Variants in TFB1M observed in about 807,000 individuals in gnomAD.
The protein encoded by TFB1M is transcription factor B1, mitochondrial, also known as dimethyladenosine transferase 1, mitochondrial.
In TFB1M, 27 loss-of-function variants were observed where a neutral mutation model predicts 31.1. That is an observed-to-expected ratio of 0.87 (90% CI 0.64 to 1.20). The LOEUF is 1.20. Among genes scored for constraint, TFB1M ranks in the 50% most tolerant of loss-of-function variants. The probability of loss-of-function intolerance (pLI) is 0.00; values close to 1 mark genes in which losing one functional copy is unlikely to be tolerated. For synonymous variants in TFB1M, 166 were observed against 151.8 expected (o/e 1.09, Z -0.69); for missense variants, 394 against 418.7 (o/e 0.94, Z 0.51).
intron 4 of TFB1M, among the ~76,000 whole-genome samples, chr6:155,292,087 T>C (rs1776951669): frequency 6.6e-6 from 1 of 152,154 alleles, no homozygotes; most frequent in Non-Finnish European, 1.5e-5. Context: ...GAGCCTTAGA[T>C]GCCCGGCCTG....
intron 5 of TFB1M, among the ~76,000 whole-genome samples, chr6:155,283,939 G>A (rs920220908): frequency 6.6e-6 from 1 of 152,202 alleles, no homozygotes; most frequent in Non-Finnish European, 1.5e-5. Context: ...TAACCTATAA[G>A]ATACCTCCAG....
chr6:155,252,166 C>T (rs1783702552), downstream of TFB1M, among the ~76,000 whole-genome samples: 1 of 152,120 alleles, frequency 6.6e-6, no homozygotes, highest in Non-Finnish European at 1.5e-5. Context: ...TCTGAGTCTC[C>T]CCATGAAAGA....
chr6:155,253,829 C>T (rs113081754), downstream of TFB1M: 1 of 608,774 alleles, frequency 1.6e-6, no homozygotes. Flanking sequence ...GAAAATCATA[C>T]ATAGAACAAG....
chr6:155,299,117 G>A (rs1777314963), intron 2 of TFB1M, among the ~76,000 whole-genome samples: 1 of 151,818 alleles, frequency 6.6e-6, no homozygotes, highest in Non-Finnish European at 1.5e-5. Flanking sequence ...TTGGCACTCC[G>A]AGATACTCCT....
the TFB1M span, among the ~76,000 whole-genome samples, chr6:155,233,438 T>C: frequency 6.6e-6 from 1 of 152,174 alleles, no homozygotes. Context: ...TCAAAGACCG[T>C]CAAAGAGGGT....
intron 1 of TFB1M, chr6:155,313,306 T>C (rs940187005): frequency 4.6e-5 from 7 of 151,226 alleles, no homozygotes; most frequent in African/African-American, 1.7e-4. Flanking sequence ...TCCAAAGTCA[T>C]ATTGGTACAG....
chr6:155,254,001 G>C, downstream of TFB1M: 1 of 1,614,130 alleles, frequency 6.2e-7, no homozygotes, highest in Non-Finnish European at 8.5e-7. Flanking sequence ...TATGGGAACT[G>C]ATCCATACGA....
chr6:155,276,268 C>CTCCTGTATAAAAAGGAT, intron 5 of TFB1M: 1 of 1,614,070 alleles, frequency 6.2e-7, no homozygotes, highest in Non-Finnish European at 8.5e-7. Context: ...TTTTCTGCAC[C>CTCCTGTATAAAAAGGAT]TCCTGTATAA....
rs1216505409 is a variant in TFB1M at position 155,256,202 on chromosome 6, T to A, written c.*1634A>T. 3 of 565,546 alleles carry A rather than the reference T, an allele frequency of 5.3e-6. No individual in the cohort carries two copies. The African/African-American group carries it at 5.7e-5, about 11-fold the overall frequency. 35.0% of individuals were successfully genotyped at this position (565,546 alleles called of 1,614,324 possible). A position where few individuals can be genotyped will look rare whatever the true frequency, so the allele number is the denominator to read the frequency against. ...AACTTACTCCTTGGCAAAATAAGAA[T>A]CTTAGCCCATGTAGTAGTTTCTAGT... is the stretch of plus-strand genomic sequence containing the variant. On this transcript the variant is annotated 3_prime_UTR_variant, in exon 7 of 7. Coordinates refer to ENST00000367166, the MANE Select transcript of TFB1M (RefSeq NM_016020.4).
chr6:155,253,169 A>G, downstream of TFB1M: 2 of 812,986 alleles, frequency 2.5e-6, no homozygotes, highest in Non-Finnish European at 4.0e-6. Context: ...TTTATAGACA[A>G]GGAAAATGAG....
the TFB1M span, among the ~76,000 whole-genome samples, chr6:155,237,187 C>G: frequency 6.6e-6 from 1 of 152,220 alleles, no homozygotes; most frequent in Non-Finnish European, 1.5e-5. Flanking sequence ...GGGCTCCAGG[C>G]CCCATGCAAT....
rs758409790 is a variant in TFB1M, at chr6:155,275,884, G to A, written c.666+9274C>T. The A allele has an allele frequency of 7.4e-6, 12 of 1,613,984 alleles. 1 individual carries two copies. The highest frequency in any genetic ancestry group is 5.5e-5 in the South Asian group (5 of 91,076). ...TGCACGGGCTCTGGATGGACTGTAC[G>A]TGGTACAGCACTGGGATGTTCAGCT... On this transcript the variant is annotated intron_variant, in intron 5 of 6. Coordinates refer to ENST00000367166, the MANE Select transcript of TFB1M (RefSeq NM_016020.4).
the TFB1M span, among the ~76,000 whole-genome samples, chr6:155,238,062 A>G: frequency 6.6e-6 from 1 of 152,236 alleles, no homozygotes; most frequent in East Asian, 1.9e-4. Context: ...TATAAGGCTG[A>G]ATGCCTTTAC....
At chr6:155,279,125 A>T (rs67670955) in intron 5 of TFB1M, among the ~76,000 whole-genome samples, 11,901 of 152,164 alleles carry the variant, frequency 0.078, 576 homozygotes, top group Non-Finnish European at 0.099. Context: ...AGTTTGAGAA[A>T]TCATAGTCTA....
At chr6:155,297,900 C>G (rs1328855148) in intron 3 of TFB1M, among the ~76,000 whole-genome samples, 2 of 152,218 alleles carry the variant, frequency 1.3e-5, no homozygotes, top group Non-Finnish European at 2.9e-5. Context: ...CTGAAGGAGT[C>G]TGGTCATGGG....
intron 2 of TFB1M, among the ~76,000 whole-genome samples, chr6:155,301,123 C>G (rs1429779960): frequency 6.6e-6 from 1 of 152,108 alleles, no homozygotes; most frequent in Non-Finnish European, 1.5e-5. Flanking sequence ...AGGTTTAAAA[C>G]TACATTTCTT....
downstream of TFB1M, chr6:155,252,120 T>A: frequency 1.4e-6 from 1 of 718,424 alleles, no homozygotes; most frequent in Non-Finnish European, 2.4e-6. Flanking sequence ...CTGCTTACTC[T>A]GAGGGTAACT....
the TFB1M span, among the ~76,000 whole-genome samples, chr6:155,248,566 C>A: frequency 6.6e-6 from 1 of 152,188 alleles, no homozygotes; most frequent in African/African-American, 2.4e-5. Flanking sequence ...GGTTCGCTGC[C>A]CGAGCTGCTG....
At chr6:155,254,352 G>A (rs879015554), downstream of TFB1M, 49 of 1,570,664 alleles carry the variant, frequency 3.1e-5, no homozygotes, top group Middle Eastern at 3.4e-4. Context: ...GAACACAGGC[G>A]GGCGTGGAAT....
Sources: gnomAD v4.1 joint callset for allele counts (sites outside exome capture counted in the v4.1 genomes callset) on GRCh38, gnomAD v4.1.1 for gene constraint, MANE v1.5 for transcripts, NCBI Gene and HGNC (gene_info 2026-07-23, HGNC 2026-07-21) for gene names.